The following CCDC175 variants were observed in gnomAD, a reference collection of about 807,000 sequenced individuals.
CCDC175 encodes coiled-coil domain containing 175.
Under a neutral mutation model 114.6 loss-of-function variants are expected in CCDC175, and 100 were observed. The ratio of observed to expected loss-of-function variants is 0.87; its 90% CI spans 0.74 to 1.03. CCDC175 has a LOEUF of 1.03. Among genes scored for constraint, CCDC175 ranks in the 50% least tolerant of loss-of-function variants. The pLI, the probability that CCDC175 is intolerant of heterozygous loss-of-function variation, is 0.00. For synonymous variants in CCDC175, 306 were observed against 308.7 expected (o/e 0.99, Z 0.09); for missense variants, 880 against 917.8 (o/e 0.96, Z 0.53).
chr14:59,543,769 A>AGGC (rs1383007421), intron 9 of CCDC175, among the ~76,000 whole-genome samples: 2 of 152,196 alleles, frequency 1.3e-5, no homozygotes, highest in Non-Finnish European at 2.9e-5. Context: ...GCTGGATTAC[A>AGGC]GGCGTGAGCC....
chr14:59,520,149 A>G (rs1425422752), intron 17 of CCDC175, among the ~76,000 whole-genome samples: 4 of 152,236 alleles, frequency 2.6e-5, no homozygotes, highest in African/African-American at 9.6e-5. Flanking sequence ...TGTTTGCAAT[A>G]TTTGTCACAA....
intron 8 of CCDC175, among the ~76,000 whole-genome samples, chr14:59,548,267 G>A (rs569667391): frequency 6.6e-6 from 1 of 152,152 alleles, no homozygotes; most frequent in Admixed American, 6.5e-5. Context: ...CAGAAGTAGA[G>A]AGTAGAATGG....
chr14:59,561,221 C>G lies in CCDC175; in HGVS notation c.851G>C (p.Ser284Thr). Residue 284 changes from serine (S) to threonine (T), a missense_variant, in exon 7 of 20, where the codon AGT becomes ACT. Ser to Thr is a moderately conservative substitution (Grantham distance 58). Coordinates refer to ENST00000537690, the MANE Select transcript of CCDC175 (RefSeq NM_001164399.2). ...ETVTVSAAVLSDHNLEIARLH... is the reference protein window; with the variant it reads ...ETVTVSAAVLTDHNLEIARLH... ...TCGTGCTATCTCTAAATTGTGATCA[C>G]TAAGAACCTATTAAAAATTAAACAA... 1 of 1,520,952 alleles carries G rather than the reference C, an allele frequency of 6.6e-7. No homozygotes were observed. The highest frequency in any genetic ancestry group is 8.8e-7 in the Non-Finnish European group (1 of 1,133,894). The allele number at this position is 1,520,952 out of a possible 1,614,324, so 94.2% of individuals were successfully genotyped here.
intron 13 of CCDC175, among the ~76,000 whole-genome samples, chr14:59,533,594 G>A (rs1235938595): frequency 2.6e-5 from 4 of 152,130 alleles, no homozygotes; most frequent in African/African-American, 9.7e-5. Context: ...TAAATACAAA[G>A]AAGCTAAAAT....
chr14:59,560,490 T>C (rs938957582), intron 7 of CCDC175, among the ~76,000 whole-genome samples: 4 of 152,136 alleles, frequency 2.6e-5, no homozygotes, highest in Non-Finnish European at 4.4e-5. Context: ...TGTTGACCAA[T>C]CTTTAAAGAT....
In CCDC175 at chr14:59,521,559, C is replaced by A; in HGVS notation, c.2098+15G>T. The A allele has an allele frequency of 7.0e-7, 1 of 1,433,386 alleles. No individual in the cohort carries two copies. The highest frequency in any genetic ancestry group is 9.5e-7 in the Non-Finnish European group (1 of 1,053,596). 88.8% of individuals were successfully genotyped at this position (1,433,386 alleles called of 1,614,324 possible). On this transcript the variant is annotated intron_variant, in intron 17 of 19. Coordinates refer to ENST00000537690, the MANE Select transcript of CCDC175 (RefSeq NM_001164399.2). The stretch of plus-strand genomic sequence containing the variant: ...AAAGAACCCTGACTAATACAAGCAC[C>A]CACACATTACTTACCCTCCTGAGCT...
intron 13 of CCDC175, among the ~76,000 whole-genome samples, chr14:59,532,187 A>G (rs1188374580): frequency 6.6e-6 from 1 of 152,230 alleles, no homozygotes; most frequent in Non-Finnish European, 1.5e-5. Context: ...ATCTCTATGA[A>G]CACTACCATG....
rs1284990158 is a variant in CCDC175, at chr14:59,510,761, T to C, written c.2190A>G (p.Leu730=). 6.5e-7 allele frequency: 1 copy of C among 1,537,498 alleles called. No individual in the cohort carries two copies. The highest frequency in any genetic ancestry group is 8.7e-7 in the Non-Finnish European group (1 of 1,146,950). ...CATCTCTTTCACGCAGCTTGTCTGT[T>C]AGATTGTTTATGTCTTGCAAGGTCT... ...GEETLQDINN[L]TDKLRERDEK... The change falls in exon 19 of 20, where the codon CTA becomes CTG. Residue 730 remains leucine, a synonymous_variant. Transcript: ENST00000537690.
intron 8 of CCDC175, chr14:59,551,065 T>C (rs1566623367): frequency 4.8e-6 from 1 of 206,982 alleles, no homozygotes; most frequent in Non-Finnish European, 9.5e-6. Context: ...TCTAAATAAT[T>C]CACATCAAAA....
intron 7 of CCDC175, among the ~76,000 whole-genome samples, chr14:59,559,020 T>C (rs1896078692): frequency 6.6e-6 from 1 of 152,166 alleles, no homozygotes; most frequent in Admixed American, 6.5e-5. Flanking sequence ...AATTCTATTA[T>C]GAATTTGAGA....
In CCDC175 at chr14:59,538,801, CT is replaced by C. The variant is rs752211983; in HGVS notation, c.1394del (p.Lys465SerfsTer9). On this transcript the variant is annotated frameshift_variant, in exon 12 of 20. Transcript: ENST00000537690. LOFTEE classifies it high-confidence loss of function. The part of the protein sequence containing the change: ...TQWKMACLRK[K>X]HARWTAKIKA... ...TTATCTTGGCTGTCCAACGTGCATG[CT>C]TTTTTCTCAAGCAAGCCATTTTCCA... The C allele has an allele frequency of 2.0e-6, 3 of 1,536,766 alleles. No individual in the cohort carries two copies. The highest frequency in any genetic ancestry group is 3.3e-4 in the Middle Eastern group (2 of 5,982).
intron 17 of CCDC175, among the ~76,000 whole-genome samples, chr14:59,517,648 C>T (rs1893179703): frequency 6.6e-6 from 1 of 152,152 alleles, no homozygotes; most frequent in African/African-American, 2.4e-5. Context: ...GAACTACAAA[C>T]CACTGCTCAA....
chr14:59,520,580 C>T (rs1412618910), intron 17 of CCDC175, among the ~76,000 whole-genome samples: 2 of 151,964 alleles, frequency 1.3e-5, no homozygotes, highest in Non-Finnish European at 2.9e-5. Flanking sequence ...CATAATTATC[C>T]CAAACTGGAA....
intron 7 of CCDC175, among the ~76,000 whole-genome samples, chr14:59,554,137 T>A (rs1207063470): frequency 6.6e-6 from 1 of 152,186 alleles, no homozygotes; most frequent in African/African-American, 2.4e-5. Flanking sequence ...TACAGAACTC[T>A]CCACCCAAAA....
At chr14:59,553,853 CA>C (rs1167171788) in intron 7 of CCDC175, among the ~76,000 whole-genome samples, 2 of 151,964 alleles carry the variant, frequency 1.3e-5, no homozygotes, top group Non-Finnish European at 2.9e-5. Flanking sequence ...CAACAAAGAT[CA>C]AAAGAGACAA....
At chr14:59,574,803 G>A in intron 2 of CCDC175, 140 bp downstream of exon 2, 1 of 515,030 alleles carries the variant, frequency 1.9e-6, no homozygotes, top group Non-Finnish European at 3.4e-6. Context: ...TTACAAAATT[G>A]AGAGAAAAAT....
intron 2 of CCDC175, among the ~76,000 whole-genome samples, chr14:59,573,356 ATG>A (rs1161597397): frequency 6.6e-6 from 1 of 152,156 alleles, no homozygotes; most frequent in African/African-American, 2.4e-5. Flanking sequence ...TAGCTATTTT[ATG>A]ACCTGAGAAA....
intron 14 of CCDC175, among the ~76,000 whole-genome samples, chr14:59,530,501 G>A (rs1894007691): frequency 6.6e-6 from 1 of 151,660 alleles, no homozygotes; most frequent in African/African-American, 2.4e-5. Context: ...AAGAAAATTG[G>A]GAATAAGAGA....
intron 9 of CCDC175, 74 bp downstream of exon 9, chr14:59,545,089 G>C: frequency 7.5e-7 from 1 of 1,332,544 alleles, no homozygotes. Flanking sequence ...TAAGTGGAGA[G>C]CCACCACTTT....
Sources: gnomAD v4.1 joint callset for allele counts (sites outside exome capture counted in the v4.1 genomes callset) on GRCh38, gnomAD v4.1.1 for gene constraint, MANE v1.5 for transcripts, NCBI Gene and HGNC (gene_info 2026-07-23, HGNC 2026-07-21) for gene names.